INTS6: variants seen among roughly 807,000 people sequenced by gnomAD.
INTS6 encodes the protein integrator complex subunit 6, also known as DEAD box protein.
INTS6 carries 16 observed loss-of-function variants against 104.9 expected under a neutral mutation model. That is an observed-to-expected ratio of 0.15 (90% confidence interval 0.10 to 0.23). The LOEUF is 0.23. Ranked by LOEUF, INTS6 falls within the 10% of genes least tolerant of loss-of-function variation. INTS6 has a pLI of 1.00. For missense variants in INTS6, 584 were observed against 1,062.8 expected, an observed-to-expected ratio of 0.55 and a Z score of 6.26; for synonymous variants, 324 against 358.7, an observed-to-expected ratio of 0.90 and a Z score of 1.09.
In INTS6 at chr13:51,363,186, A is replaced by G. The variant is rs989339504; in HGVS notation, c.*2566T>C. 1 of 151,986 alleles carries G rather than the reference A, an allele frequency of 6.6e-6. No individual in the cohort carries two copies. The highest frequency in any genetic ancestry group is 2.4e-5 in the African/African-American group (1 of 41,420). 9.4% of individuals were successfully genotyped at this position (151,986 alleles called of 1,614,324 possible). ...GATTTTGGAATTCAAGTGCATAAAA[A>G]TGATGTAAAATCCTTAAACAAGGAA... On this transcript the variant is annotated 3_prime_UTR_variant, in exon 18 of 18. Coordinates refer to ENST00000311234, the MANE Select transcript of INTS6 (RefSeq NM_012141.3).
chr13:51,451,277 G>T, intron 2 of INTS6, 103 bp from the exon 3 acceptor site: 2 of 932,556 alleles, frequency 2.1e-6, no homozygotes, highest in Non-Finnish European at 3.0e-6. Context: ...ACTTTTGGTT[G>T]GTTTGGCTTG....
At chr13:51,342,902 C>T in the INTS6 span, among the ~76,000 whole-genome samples, 7 of 152,320 alleles carry the variant, frequency 4.6e-5, no homozygotes, top group African/African-American at 1.4e-4. Flanking sequence ...TAGGCTGATT[C>T]ATGAGATCAA....
At position 51,378,421 on chromosome 13, in the gene INTS6, C is replaced by T. The variant is rs2137901836; in HGVS notation, c.1420G>A (p.Val474Ile). Residue 474 changes from valine (V) to isoleucine (I), a missense_variant, in exon 12 of 18, where the codon GTA (valine) becomes ATA (isoleucine). Physicochemically the swap from Val to Ile is conservative, Grantham distance 29. Coordinates refer to ENST00000311234, the MANE Select transcript of INTS6 (RefSeq NM_012141.3). ...KIESDRVIGS[V>I]GKKVVQETGI... ...GTCTCCTGTACTACTTTTTTGCCTA[C>T]AGATCCAATGACTCGATCAGATTCT... is the stretch of plus-strand genomic sequence containing the variant. 3 of 1,613,156 alleles carry T rather than the reference C, an allele frequency of 1.9e-6. No homozygotes were observed. The highest frequency in any genetic ancestry group is 1.7e-5 in the Admixed American group (1 of 60,000).
At position 51,369,008 on chromosome 13, in the gene INTS6, T is replaced by C. The variant is rs1442718643; in HGVS notation, c.2407A>G (p.Arg803Gly). ...LNKGKKLMHC[R>G]SHEEVNTELK... is the part of the protein sequence containing the mutation. ...TCAGTATTGACCTCTTCATGGCTTCTGCAATGCATCAATTTCTTTCCTTTG... is the reference window on the plus strand; with the variant it reads ...TCAGTATTGACCTCTTCATGGCTTCCGCAATGCATCAATTTCTTTCCTTTG... Residue 803 changes from arginine to glycine, a missense_variant, in exon 16 of 18, where the codon AGA (arginine) becomes GGA (glycine). Coordinates refer to ENST00000311234, the MANE Select transcript of INTS6 (RefSeq NM_012141.3). The C allele has an allele frequency of 1.9e-6, 3 of 1,613,820 alleles. No homozygotes were observed. Among genetic ancestry groups the C allele is most frequent in the African/African-American group, 1.3e-5 (1 of 75,020 alleles).
chr13:51,450,350 A>G, intron 3 of INTS6: 1 of 985,444 alleles, frequency 1.0e-6, no homozygotes, highest in Non-Finnish European at 1.2e-6. Context: ...AATACATGAA[A>G]GTAAGTGCAA....
At chr13:51,357,424 GCCTCT>G (rs1354584082), downstream of INTS6, among the ~76,000 whole-genome samples, 2 of 152,012 alleles carry the variant, frequency 1.3e-5, no homozygotes, top group Non-Finnish European at 2.9e-5. Context: ...GAAAATACTG[GCCTCT>G]CCTCTCTTCT....
At chr13:51,400,414 T>C (rs1041653206) in intron 4 of INTS6, among the ~76,000 whole-genome samples, 5 of 152,230 alleles carry the variant, frequency 3.3e-5, no homozygotes, top group Admixed American at 2.6e-4. Flanking sequence ...TGCTCTCCCA[T>C]GTTTTCTTCT....
At chr13:51,368,394 G>A (rs17252180) in intron 16 of INTS6, among the ~76,000 whole-genome samples, 1,727 of 152,160 alleles carry the variant, frequency 0.011, 25 homozygotes, top group East Asian at 0.071. Flanking sequence ...GGACCACCCA[G>A]GTCATTCTAC....
downstream of INTS6, among the ~76,000 whole-genome samples, chr13:51,357,663 T>C (rs1955500949): frequency 2.0e-5 from 3 of 152,028 alleles, no homozygotes; most frequent in Admixed American, 2.0e-4. Flanking sequence ...AACCAGAGTG[T>C]AGTTCCCCCC....
chr13:51,423,107 G>A, intron 4 of INTS6: 1 of 1,240,754 alleles, frequency 8.1e-7, no homozygotes, highest in South Asian at 1.3e-5. Context: ...CATAAATATA[G>A]AACTAAATAT....
rs920590329 is a variant in INTS6, at chr13:51,363,617, T to C, written c.*2135A>G. ...TAAAAGACATGATGTTTCCCCTAGATGTATTTCCCTTCCCCTTTGACAATA... is the reference window on the plus strand; with the variant it reads ...TAAAAGACATGATGTTTCCCCTAGACGTATTTCCCTTCCCCTTTGACAATA... On this transcript the variant is annotated 3_prime_UTR_variant, in exon 18 of 18. Coordinates refer to ENST00000311234, the MANE Select transcript of INTS6 (RefSeq NM_012141.3). 1.1e-4 allele frequency: 16 copies of C among 152,012 alleles called. No homozygotes were observed. The highest frequency in any genetic ancestry group is 1.8e-4 in the Non-Finnish European group (12 of 67,934). 9.4% of individuals were successfully genotyped at this position (152,012 alleles called of 1,614,324 possible). A position where few individuals can be genotyped will look rare whatever the true frequency, so the allele number is the denominator to read the frequency against.
At chr13:51,400,672 A>G (rs1223649961) in intron 4 of INTS6, among the ~76,000 whole-genome samples, 1 of 152,206 alleles carries the variant, frequency 6.6e-6, no homozygotes, top group Non-Finnish European at 1.5e-5. Context: ...AAGATGCAAA[A>G]TGATGCACAG....
intron 4 of INTS6, among the ~76,000 whole-genome samples, chr13:51,400,395 TAATG>T (rs1956415168): frequency 6.6e-6 from 1 of 152,246 alleles, no homozygotes; most frequent in Non-Finnish European, 1.5e-5. Flanking sequence ...TCCTCATAGA[TAATG>T]AAGATGCTCT....
downstream of INTS6, among the ~76,000 whole-genome samples, chr13:51,357,217 G>A (rs976076563): frequency 6.6e-6 from 1 of 152,130 alleles, no homozygotes; most frequent in African/African-American, 2.4e-5. Flanking sequence ...ACATAATCAA[G>A]AGACTAACCA....
chr13:51,359,648 C>G (rs1348992967), downstream of INTS6, among the ~76,000 whole-genome samples: 1 of 152,092 alleles, frequency 6.6e-6, no homozygotes, highest in Non-Finnish European at 1.5e-5. Context: ...TGTATTTTAG[C>G]TGATAAGGGG....
At chr13:51,435,036 G>A (rs987925224) in intron 3 of INTS6, among the ~76,000 whole-genome samples, 1 of 151,850 alleles carries the variant, frequency 6.6e-6, no homozygotes, top group South Asian at 2.1e-4. Flanking sequence ...TGTTTATAAA[G>A]TCACTCAGTT....
chr13:51,449,372 G>C, intron 3 of INTS6: 1 of 700,314 alleles, frequency 1.4e-6, no homozygotes, highest in South Asian at 6.4e-5. Context: ...TTATAGACAA[G>C]AACTAAAGTG....
At chr13:51,353,397 C>G (rs771141954), downstream of INTS6, among the ~76,000 whole-genome samples, 4 of 152,160 alleles carry the variant, frequency 2.6e-5, no homozygotes, top group Non-Finnish European at 5.9e-5. Context: ...TTAATCTTTA[C>G]AACCCTACAA....
chr13:51,353,833 T>A (rs1362400816), downstream of INTS6, among the ~76,000 whole-genome samples: 3 of 152,238 alleles, frequency 2.0e-5, no homozygotes, highest in East Asian at 3.8e-4. Context: ...CTGCAAGTTC[T>A]GTATTATTTA....
Sources: gnomAD v4.1 joint callset for allele counts (sites outside exome capture counted in the v4.1 genomes callset) on GRCh38, gnomAD v4.1.1 for gene constraint, MANE v1.5 for transcripts, NCBI Gene and HGNC (gene_info 2026-07-23, HGNC 2026-07-21) for gene names.